Variants in TMEM131 observed in about 807,000 individuals in gnomAD.
The protein encoded by TMEM131 is 2610524E03Rik.
A neutral mutation model predicts 211.6 loss-of-function variants in TMEM131; 66 were observed. The observed-to-expected ratio is 0.31, with a 90% CI of 0.26 to 0.38. The LOEUF is 0.38. Among genes scored for constraint, TMEM131 ranks in the 10% least tolerant of loss-of-function variants. The pLI, the probability that TMEM131 is intolerant of heterozygous loss-of-function variation, is 1.00. For synonymous variants in TMEM131, 844 were observed against 841.3 expected, an observed-to-expected ratio of 1.00 and a Z score of -0.06; for missense variants, 2,036 against 2,299.3, an observed-to-expected ratio of 0.89 and a Z score of 2.34.
chr2:97,781,762 GGC>G, intron 31 of TMEM131, among the ~76,000 whole-genome samples: 1 of 152,310 alleles, frequency 6.6e-6, no homozygotes, highest in South Asian at 2.1e-4. Flanking sequence ...TCTGAGGAAA[GGC>G]ATGATAGTAA....
chr2:97,786,947 T>G (rs939881447), intron 31 of TMEM131, among the ~76,000 whole-genome samples: 1 of 152,242 alleles, frequency 6.6e-6, no homozygotes, highest in African/African-American at 2.4e-5. Flanking sequence ...CAGAACTATA[T>G]GACATTTTTC....
At position 97,814,094 on chromosome 2, in the gene TMEM131, T is replaced by A. The variant is rs906069175; in HGVS notation, c.1494A>T (p.Gly498=). 1.6e-5 allele frequency: 26 copies of A among 1,607,154 alleles called. No homozygotes were observed. The highest frequency in any genetic ancestry group is 1.0e-4 in the Admixed American group (6 of 58,752). The part of the protein sequence containing the change: ...KPVLILPNES[G]YIFTLLFMPS... ...GCATAAAAAGCAGGGTAAAAATGTA[T>A]CCTGATTCATTAGGAAGAATTAAGA... Residue 498 remains glycine, a synonymous_variant, in exon 15 of 41, where the codon GGA becomes GGT. Transcript: ENST00000186436.
chr2:97,965,558 A>G (rs963603969), intron 1 of TMEM131, among the ~76,000 whole-genome samples: 1 of 152,084 alleles, frequency 6.6e-6, no homozygotes, highest in African/African-American at 2.4e-5. Flanking sequence ...AATAGCTACC[A>G]CTTACTACCA....
At chr2:97,796,109 CAAAT>C (rs965974497) in intron 28 of TMEM131, 105 bp downstream of exon 28, 7 of 573,312 alleles carry the variant, frequency 1.2e-5, no homozygotes, top group African/African-American at 2.0e-5. Flanking sequence ...GAAAAAAAAA[CAAAT>C]GAATGCATTT....
At chr2:97,767,666 T>G (rs1339191823) in intron 33 of TMEM131, among the ~76,000 whole-genome samples, 1 of 152,236 alleles carries the variant, frequency 6.6e-6, no homozygotes, top group Non-Finnish European at 1.5e-5. Flanking sequence ...GGCTAGCTTT[T>G]CATTCCAAAT....
At chr2:97,818,370 G>GTGCTTTTCTA (rs946104310) in intron 12 of TMEM131, among the ~76,000 whole-genome samples, 1 of 146,136 alleles carries the variant, frequency 6.8e-6, no homozygotes, top group Non-Finnish European at 1.5e-5. Flanking sequence ...GTATTTGCTA[G>GTGCTTTTCTA]TGCTTTTCTA....
chr2:97,900,610 C>T (rs1000315056), intron 3 of TMEM131, among the ~76,000 whole-genome samples: 8 of 152,054 alleles, frequency 5.3e-5, no homozygotes, highest in African/African-American at 1.9e-4. Flanking sequence ...TCCACGTGTC[C>T]ACTGATGAAC....
At chr2:97,869,029 G>A (rs1573483937) in intron 4 of TMEM131, among the ~76,000 whole-genome samples, 3 of 152,164 alleles carry the variant, frequency 2.0e-5, no homozygotes, top group Admixed American at 2.0e-4. Flanking sequence ...AGACATTTAC[G>A]TAGAAAACAA....
chr2:97,847,268 G>A (rs970861423), intron 5 of TMEM131, among the ~76,000 whole-genome samples: 5 of 152,146 alleles, frequency 3.3e-5, no homozygotes, highest in Non-Finnish European at 7.4e-5. Context: ...TTTTTATTCA[G>A]ATAACATGGC....
intron 7 of TMEM131, 51 bp from the exon 8 acceptor site, chr2:97,837,208 C>A: frequency 7.3e-7 from 1 of 1,365,282 alleles, no homozygotes; most frequent in Admixed American, 2.4e-5. Context: ...ATTCTCAAAG[C>A]AGGTGACTTG....
chr2:97,954,921 C>A (rs1027602778), intron 1 of TMEM131, among the ~76,000 whole-genome samples: 1 of 151,148 alleles, frequency 6.6e-6, no homozygotes, highest in Non-Finnish European at 1.5e-5. Flanking sequence ...AGAATTAGGG[C>A]CAATTTTACA....
At chr2:97,851,782 A>T (rs1209906403) in intron 5 of TMEM131, among the ~76,000 whole-genome samples, 1 of 152,176 alleles carries the variant, frequency 6.6e-6, no homozygotes, top group Non-Finnish European at 1.5e-5. Context: ...TGCTCCACCA[A>T]CTGCTGTTCT....
intron 13 of TMEM131, among the ~76,000 whole-genome samples, chr2:97,814,848 G>C (rs936120813): frequency 6.6e-6 from 1 of 152,058 alleles, no homozygotes; most frequent in Non-Finnish European, 1.5e-5. Flanking sequence ...ATTCTGTTTC[G>C]AGTGTCAAAA....
intron 19 of TMEM131, among the ~76,000 whole-genome samples, chr2:97,808,715 G>A (rs1002451544): frequency 6.6e-6 from 1 of 152,156 alleles, no homozygotes; most frequent in African/African-American, 2.4e-5. Context: ...TCTCACTGGG[G>A]AGGCCAACTT....
chr2:97,828,347 A>G (rs1295261949), intron 11 of TMEM131, among the ~76,000 whole-genome samples: 1 of 148,254 alleles, frequency 6.7e-6, no homozygotes, highest in East Asian at 2.0e-4. Context: ...CTCAATTATG[A>G]AAAAAAAAAA....
rs541864798 is a variant in TMEM131 at position 97,993,097 on chromosome 2, G to A, written c.187+2379C>T. On this transcript the variant is annotated intron_variant, in intron 1 of 40. Coordinates refer to ENST00000186436, the MANE Select transcript of TMEM131 (RefSeq NM_015348.2). ...AATTTATTTCTGCAGCTTTTCTTCA[G>A]GAGACAATGAGTTTTATTGTCTTTT... 7.2e-5 allele frequency among the ~76,000 whole-genome samples: 11 copies of A among 152,238 alleles called. No homozygotes were observed. In the South Asian group the frequency reaches 1.2e-3, roughly 17 times the overall value.
chr2:97,969,920 G>C (rs1036658997), intron 1 of TMEM131, among the ~76,000 whole-genome samples: 1 of 152,110 alleles, frequency 6.6e-6, no homozygotes, highest in African/African-American at 2.4e-5. Flanking sequence ...GTCTGATGTG[G>C]AGTTGTTCAG....
At chr2:97,771,051 T>C (rs944823549) in intron 33 of TMEM131, among the ~76,000 whole-genome samples, 2 of 152,168 alleles carry the variant, frequency 1.3e-5, no homozygotes, top group African/African-American at 4.8e-5. Flanking sequence ...GATCCAAGTA[T>C]GTGAACCTCC....
At chr2:97,935,713 T>C (rs1677413667) in intron 1 of TMEM131, among the ~76,000 whole-genome samples, 1 of 152,224 alleles carries the variant, frequency 6.6e-6, no homozygotes, top group Non-Finnish European at 1.5e-5. Context: ...TAGGGACATT[T>C]GAAAATTCTA....
Sources: allele counts gnomAD v4.1 joint callset (sites outside exome capture counted in the v4.1 genomes callset), GRCh38; gene constraint gnomAD v4.1.1; transcripts MANE v1.5; gene names NCBI Gene and HGNC (gene_info 2026-07-23, HGNC 2026-07-21).